PPP1R1C: variants seen among roughly 807,000 people sequenced by gnomAD.
PPP1R1C encodes the protein protein phosphatase 1 regulatory subunit 1C.
In PPP1R1C, 15 loss-of-function variants were observed where a neutral mutation model predicts 17.4. The ratio of observed to expected loss-of-function variants is 0.86; its 90% CI spans 0.58 to 1.33. The LOEUF is 1.33. PPP1R1C is among the 40% of genes most tolerant of loss of function. The pLI, the probability that PPP1R1C is intolerant of heterozygous loss-of-function variation, is 0.00. For missense variants in PPP1R1C, 143 were observed against 130.0 expected (o/e 1.10, Z -0.48); for synonymous variants, 35 against 43.1 (o/e 0.81, Z 0.73).
chr2:181,984,678 A>G (rs1685254448), upstream of PPP1R1C, among the ~76,000 whole-genome samples: 1 of 152,218 alleles, frequency 6.6e-6, no homozygotes, highest in South Asian at 2.1e-4. Context: ...GCCTATTTAA[A>G]TCATTAAGAT....
chr2:181,990,199 C>T (rs1020802960), intron 2 of PPP1R1C, among the ~76,000 whole-genome samples: 5 of 151,626 alleles, frequency 3.3e-5, no homozygotes, highest in Non-Finnish European at 5.9e-5. Flanking sequence ...AGTGCAGTGG[C>T]GCGATCTCAG....
In PPP1R1C at chr2:181,976,696, C is replaced by T. The variant is rs1574347470; in HGVS notation, n.157+1432C>T. Among the ~76,000 whole-genome samples, 6 of 152,264 alleles carry T rather than the reference C, an allele frequency of 3.9e-5. No individual in the cohort carries two copies. The highest frequency in any genetic ancestry group is 3.9e-4 in the Admixed American group (6 of 15,290). On this transcript the variant is annotated intron_variant and non_coding_transcript_variant, in intron 2 of 5. Coordinates refer to the PPP1R1C transcript ENST00000464264. This position sits in a 1 kb window ranked among gnomAD's most constrained non-coding sequence, Gnocchi z 4.8. ...AAACATCTTTCCCCTCTGGCTACCT[C>T]CTTGCAGCCCAGGACATATTCAAGT...
At chr2:182,067,632 CT>C (rs1688023714) in intron 4 of PPP1R1C, among the ~76,000 whole-genome samples, 1 of 152,128 alleles carries the variant, frequency 6.6e-6, no homozygotes, top group Admixed American at 6.6e-5. Context: ...CACTTATTAG[CT>C]GTGCAACCTT....
At chr2:182,124,905 C>A (rs1689837435) in intron 5 of PPP1R1C, among the ~76,000 whole-genome samples, 1 of 152,078 alleles carries the variant, frequency 6.6e-6, no homozygotes, top group African/African-American at 2.4e-5. Flanking sequence ...TGCCTGATTG[C>A]CCTGGCCAGA....
intron 4 of PPP1R1C, among the ~76,000 whole-genome samples, chr2:182,066,478 A>G (rs1394923133): frequency 1.3e-5 from 2 of 152,084 alleles, no homozygotes; most frequent in African/African-American, 2.4e-5. Context: ...CAGCCCATAT[A>G]TCCCCTTCTA....
At chr2:182,000,158 C>A (rs1685720594) in intron 2 of PPP1R1C, among the ~76,000 whole-genome samples, 1 of 152,104 alleles carries the variant, frequency 6.6e-6, no homozygotes, top group African/African-American at 2.4e-5. Context: ...TACCAGCTAG[C>A]AGTAAGTCAG....
At chr2:182,082,856 A>C (rs1688520380) in intron 4 of PPP1R1C, among the ~76,000 whole-genome samples, 1 of 152,158 alleles carries the variant, frequency 6.6e-6, no homozygotes, top group South Asian at 2.1e-4. Context: ...TTTATGGAGC[A>C]AAAAGGTACC....
chr2:181,958,999 G>A (rs907305599), intron 1 of PPP1R1C, among the ~76,000 whole-genome samples: 3 of 152,218 alleles, frequency 2.0e-5, no homozygotes, highest in African/African-American at 7.2e-5. Flanking sequence ...CCTGAGAGTA[G>A]AGTTGACTGC....
In PPP1R1C at chr2:182,100,649, C is replaced by T. The variant is rs139128723; in HGVS notation, c.242-16558C>T. Among the ~76,000 whole-genome samples, 1,154 of 152,238 alleles carry T rather than the reference C, an allele frequency of 7.6e-3. 8 individuals carry two copies. The highest frequency in any genetic ancestry group is 0.014 in the Middle Eastern group (4 of 294). On this transcript the variant is annotated intron_variant, in intron 4 of 4. Coordinates refer to ENST00000682840, the MANE Select transcript of PPP1R1C (RefSeq NM_001080545.3). ...TTCCATTATTAAGTGAAAACCAACA[C>T]CCAGGAAAGGAAGGAGGCAGCCTGC...
chr2:182,006,405 G>C (rs13425972), intron 2 of PPP1R1C, among the ~76,000 whole-genome samples: 1 of 151,842 alleles, frequency 6.6e-6, no homozygotes, highest in Non-Finnish European at 1.5e-5. Flanking sequence ...AAAGTTAATC[G>C]GATCTGCATA....
intron 2 of PPP1R1C, among the ~76,000 whole-genome samples, chr2:182,031,890 A>G (rs146114991): frequency 1.7e-4 from 26 of 152,380 alleles, no homozygotes; most frequent in Admixed American, 5.9e-4. Flanking sequence ...TGTATGTATG[A>G]TAAAGAAATT....
At chr2:181,960,546 G>A (rs763158045) in intron 1 of PPP1R1C, among the ~76,000 whole-genome samples, 13 of 152,174 alleles carry the variant, frequency 8.5e-5, no homozygotes, top group African/African-American at 2.2e-4. Flanking sequence ...CACATGAAAC[G>A]TTTTCCATCC....
rs561699491 is a variant in PPP1R1C at position 182,057,972 on chromosome 2, C to T, written c.143-3470C>T. The stretch of plus-strand genomic sequence containing the variant: ...GTTTTAGATTTACGGAAAAATTGAA[C>T]GAAGGGCACATTGAGTCCCATGGAG... On this transcript the variant is annotated intron_variant, in intron 2 of 4. Transcript: ENST00000682840. 4.0e-4 allele frequency among the ~76,000 whole-genome samples: 61 copies of T among 152,072 alleles called. 1 individual carries two copies. The South Asian group carries it at 7.1e-3, about 18-fold the overall frequency.
At chr2:182,051,923 C>A (rs1246151789) in intron 2 of PPP1R1C, among the ~76,000 whole-genome samples, 1 of 151,834 alleles carries the variant, frequency 6.6e-6, no homozygotes, top group Non-Finnish European at 1.5e-5. Flanking sequence ...ATTGCTTGAA[C>A]CAGGAGGCTG....
chr2:182,105,791 T>C (rs964238444), intron 4 of PPP1R1C, among the ~76,000 whole-genome samples: 1 of 152,164 alleles, frequency 6.6e-6, no homozygotes, highest in African/African-American at 2.4e-5. Flanking sequence ...TATATCACAA[T>C]GGTATTGGGG....
chr2:181,965,096 C>A (rs572939623), intron 1 of PPP1R1C, among the ~76,000 whole-genome samples: 13 of 151,668 alleles, frequency 8.6e-5, no homozygotes, highest in African/African-American at 2.7e-4. Context: ...TATATATCTT[C>A]TTTTGATAAA....
chr2:182,101,573 A>T (rs75333232), intron 4 of PPP1R1C, among the ~76,000 whole-genome samples: 3,694 of 152,300 alleles, frequency 0.024, 138 homozygotes, highest in African/African-American at 0.084. Flanking sequence ...TTTCTGATGC[A>T]GAGAATATGG....
At chr2:182,118,767 C>T (rs1185871143), downstream of PPP1R1C, among the ~76,000 whole-genome samples, 1 of 151,008 alleles carries the variant, frequency 6.6e-6, no homozygotes, top group Non-Finnish European at 1.5e-5. Flanking sequence ...TTCTAGATTC[C>T]TCTCTCTCTC....
intron 2 of PPP1R1C, among the ~76,000 whole-genome samples, chr2:182,032,704 A>G (rs1686882715): frequency 6.6e-6 from 1 of 152,158 alleles, no homozygotes; most frequent in South Asian, 2.1e-4. Context: ...GCTGCCCTGG[A>G]TTATACAATG....
Sources: gnomAD v4.1 joint callset for allele counts (sites outside exome capture counted in the v4.1 genomes callset) on GRCh38, gnomAD v4.1.1 for gene constraint, Gnocchi (gnomAD v3.1) non-coding constraint, MANE v1.5 for transcripts, NCBI Gene and HGNC (gene_info 2026-07-23, HGNC 2026-07-21) for gene names.